WLS: variants seen among roughly 807,000 people sequenced by gnomAD.
The protein encoded by WLS is protein wntless homolog.
In WLS, 23 loss-of-function variants were observed where a neutral mutation model predicts 62.8. That is an observed-to-expected ratio of 0.37 (90% CI 0.26 to 0.52). The LOEUF (loss-of-function observed/expected upper bound fraction) is 0.52. WLS is among the 20% of genes least tolerant of loss of function. WLS has a pLI of 0.92. For synonymous variants in WLS, 246 were observed against 244.1 expected (o/e 1.01, Z -0.07); for missense variants, 615 against 697.3 (o/e 0.88, Z 1.33).
chr1:68,227,075 A>T (rs922656029), intron 1 of WLS, among the ~76,000 whole-genome samples: 1 of 152,178 alleles, frequency 6.6e-6, no homozygotes, highest in African/African-American at 2.4e-5. Flanking sequence ...AGAAGTCTAG[A>T]CAGGTTGTAC....
At chr1:68,178,108 C>T (rs1647337755) in intron 2 of WLS, among the ~76,000 whole-genome samples, 1 of 152,152 alleles carries the variant, frequency 6.6e-6, no homozygotes, top group South Asian at 2.1e-4. Context: ...ATAAGACTGC[C>T]CTTGGACTGT....
Position 68,189,818 on chromosome 1 carries a change from A to C in WLS, c.379+4137T>G, listed in dbSNP as rs182875057. Among the ~76,000 whole-genome samples the C allele has an allele frequency of 2.8e-3, 427 of 152,174 alleles. 8 individuals are homozygous for C. Among genetic ancestry groups the C allele is most frequent in the African/African-American group, 9.5e-3 (393 of 41,536 alleles). On this transcript the variant is annotated intron_variant, in intron 2 of 11. Transcript: ENST00000262348. ...GGAGGCCGAGGTGGGTGGATCACCT[A>C]AGGTCAGGAGTTCGAGACCAGTCTG...
Position 68,118,355 on chromosome 1 carries a change from G to A in WLS, c.1510+19425C>T, listed in dbSNP as rs111411560. ...TTGAAGTTGCAAATTTCAAAACTAC[G>A]TAGTGTCAGTGAGGATGCGGGCCAC... On this transcript the variant is annotated intron_variant, in intron 11 of 11. Transcript: ENST00000354777. 9.2e-5 allele frequency among the ~76,000 whole-genome samples: 14 copies of A among 152,252 alleles called. 1 individual carries two copies. Among genetic ancestry groups the A allele is most frequent in the African/African-American group, 2.2e-4 (9 of 41,540 alleles).
chr1:68,133,346 AC>A (rs1646559006), intron 11 of WLS, among the ~76,000 whole-genome samples: 1 of 151,994 alleles, frequency 6.6e-6, no homozygotes, highest in African/African-American at 2.4e-5. Context: ...GTGGCGCCAC[AC>A]TCCCGCAGCA....
intron 2 of WLS, among the ~76,000 whole-genome samples, chr1:68,173,711 C>CGAAA (rs1647188823): frequency 1.3e-5 from 2 of 152,002 alleles, no homozygotes; most frequent in Non-Finnish European, 2.9e-5. Flanking sequence ...AAGTATTTTG[C>CGAAA]CCAGATCTAC....
chr1:68,156,075 G>A (rs1646894004), intron 3 of WLS, among the ~76,000 whole-genome samples: 1 of 151,706 alleles, frequency 6.6e-6, no homozygotes, highest in African/African-American at 2.4e-5. Context: ...CCTTTTTTTT[G>A]AAAACTAAAT....
chr1:68,133,331 A>T (rs2100408893), intron 11 of WLS, among the ~76,000 whole-genome samples: 1 of 152,328 alleles, frequency 6.6e-6, no homozygotes, highest in Non-Finnish European at 1.5e-5. Context: ...GTGGCTATAA[A>T]GAATGTGGCG....
At chr1:68,112,515 C>T (rs1356086193) in intron 11 of WLS, among the ~76,000 whole-genome samples, 2 of 152,218 alleles carry the variant, frequency 1.3e-5, no homozygotes, top group Non-Finnish European at 2.9e-5. Context: ...CCCAGACTCT[C>T]TGCTAAACAG....
intron 11 of WLS, among the ~76,000 whole-genome samples, chr1:68,106,098 A>G (rs537691295): frequency 6.6e-6 from 1 of 152,310 alleles, no homozygotes; most frequent in African/African-American, 2.4e-5. Flanking sequence ...GGGAGTTAGG[A>G]CTAGGAAGAA....
intron 1 of WLS, among the ~76,000 whole-genome samples, chr1:68,219,925 A>G (rs1649876485): frequency 6.6e-6 from 1 of 152,196 alleles, no homozygotes; most frequent in African/African-American, 2.4e-5. Context: ...TTTATAATGT[A>G]AAACAGAAGT....
intron 1 of WLS, among the ~76,000 whole-genome samples, chr1:68,228,999 T>C (rs1650291745): frequency 6.6e-6 from 1 of 151,382 alleles, no homozygotes; most frequent in African/African-American, 2.4e-5. Context: ...ATAGTGAATG[T>C]TTAAATTTTC....
intron 2 of WLS, among the ~76,000 whole-genome samples, chr1:68,164,899 G>A (rs1397933173): frequency 1.3e-5 from 2 of 152,276 alleles, no homozygotes; most frequent in African/African-American, 4.8e-5. Context: ...GTCTGTAGAA[G>A]AAACTGTGCC....
At chr1:68,189,971 C>T (rs188819252) in intron 2 of WLS, among the ~76,000 whole-genome samples, 74 of 152,178 alleles carry the variant, frequency 4.9e-4, no homozygotes, top group African/African-American at 1.7e-3. Flanking sequence ...ATCATGCCAC[C>T]GTACTCCAGC....
At chr1:68,196,749 A>C (rs951684319) in intron 1 of WLS, among the ~76,000 whole-genome samples, 5 of 152,164 alleles carry the variant, frequency 3.3e-5, no homozygotes, top group Non-Finnish European at 5.9e-5. Context: ...ACAAGTTGCC[A>C]CTAACCCCTG....
intron 2 of WLS, among the ~76,000 whole-genome samples, chr1:68,164,445 T>C (rs1170134615): frequency 6.6e-6 from 1 of 151,806 alleles, no homozygotes; most frequent in Non-Finnish European, 1.5e-5. Flanking sequence ...TTTAGCAGAG[T>C]CAGGGTTTAT....
At chr1:68,229,117 T>G (rs1446701311) in intron 1 of WLS, among the ~76,000 whole-genome samples, 1 of 152,110 alleles carries the variant, frequency 6.6e-6, no homozygotes, top group Non-Finnish European at 1.5e-5. Flanking sequence ...GACCTTAAAC[T>G]CCTTCCTCTA....
intron 1 of WLS, among the ~76,000 whole-genome samples, chr1:68,195,999 T>C (rs1023571931): frequency 2.5e-4 from 38 of 152,150 alleles, no homozygotes; most frequent in African/African-American, 9.1e-4. Flanking sequence ...TTCTTTTCCA[T>C]GCATTAAACT....
Position 68,159,103 on chromosome 1 carries a change from TAGACAGCA to T in WLS, c.504+12_504+19del. ...GAGAACCAAATAAAAACTGTCAGCT[TAGACAGCA>T]AGGGGTCATACCTTGGGAGATGTGA... On this transcript the variant is annotated intron_variant, in intron 3 of 11. Transcript: ENST00000262348. 1.2e-6 allele frequency: 2 copies of T among 1,612,344 alleles called. No homozygotes were observed. Among genetic ancestry groups the T allele is most frequent in the Non-Finnish European group, 1.7e-6 (2 of 1,179,534 alleles).
In WLS at chr1:68,155,241, C is replaced by T. The variant is rs534503973; in HGVS notation, c.524G>A (p.Arg175His). ...AGGAAGGACATCACATTCATAGTAA[C>T]GGCCCTCATGCTCTGGAGTCTGGAA... Reference protein sequence around the residue: ...TSPKTPEHEGRYYECDVLPFM... With the variant: ...TSPKTPEHEGHYYECDVLPFM... Residue 175 changes from arginine to histidine, a missense_variant, in exon 4 of 12, where the codon CGT becomes CAT. Transcript: ENST00000262348. 4.0e-5 allele frequency: 65 copies of T among 1,613,376 alleles called. No individual in the cohort carries two copies. In the South Asian group the frequency reaches 4.4e-4, roughly 11 times the overall value.
Sources: gnomAD v4.1 joint callset for allele counts (sites outside exome capture counted in the v4.1 genomes callset) on GRCh38, gnomAD v4.1.1 for gene constraint, MANE v1.5 for transcripts, NCBI Gene and HGNC (gene_info 2026-07-23, HGNC 2026-07-21) for gene names.